The following RANBP2 variants were observed in gnomAD, a reference collection of about 807,000 sequenced individuals.
RANBP2 encodes E3 SUMO-protein ligase RanBP2.
In RANBP2, 57 loss-of-function variants were observed where a neutral mutation model predicts 303.6. The ratio of observed to expected loss-of-function variants is 0.19; its 90% confidence interval spans 0.15 to 0.23. RANBP2 has a LOEUF of 0.23. RANBP2 is among the 10% of genes least tolerant of loss of function. The probability of loss-of-function intolerance (pLI) is 1.00; values close to 1 mark genes in which losing one functional copy is unlikely to be tolerated. For missense variants in RANBP2, 3,138 were observed against 3,780.8 expected, an observed-to-expected ratio of 0.83 and a Z score of 4.46; for synonymous variants, 1,167 against 1,301.5, an observed-to-expected ratio of 0.90 and a Z score of 2.23.
chr2:109,113,950 T>C, the RANBP2 span, among the ~76,000 whole-genome samples: 1 of 152,242 alleles, frequency 6.6e-6, no homozygotes, highest in South Asian at 2.1e-4. Context: ...TTGATTTGCA[T>C]ATATTGAACC....
chr2:108,740,063 G>A (rs370618905), intron 6 of RANBP2, among the ~76,000 whole-genome samples: 1 of 152,132 alleles, frequency 6.6e-6, no homozygotes, highest in African/African-American at 2.4e-5. Context: ...GTATTGATAC[G>A]CAAATACCTG....
At chr2:109,059,590 G>T in the RANBP2 span, among the ~76,000 whole-genome samples, 1 of 151,068 alleles carries the variant, frequency 6.6e-6, no homozygotes, top group East Asian at 2.0e-4. Context: ...AAAAAAAAAG[G>T]TCACACAACA....
chr2:109,435,178 G>A, the RANBP2 span, among the ~76,000 whole-genome samples: 8 of 152,198 alleles, frequency 5.3e-5, no homozygotes, highest in Non-Finnish European at 1.2e-4. Context: ...AACTGCGCCC[G>A]GGTCGGCTGC....
At chr2:109,035,374 A>G in the RANBP2 span, among the ~76,000 whole-genome samples, 1 of 152,182 alleles carries the variant, frequency 6.6e-6, no homozygotes, top group African/African-American at 2.4e-5. Flanking sequence ...ACATAACACA[A>G]CAGACAGCAG....
At chr2:108,829,626 G>A in the RANBP2 span, among the ~76,000 whole-genome samples, 7,130 of 152,234 alleles carry the variant, frequency 0.047, 559 homozygotes, top group African/African-American at 0.16. Flanking sequence ...CACACCTGTA[G>A]TCCCAGCTAC....
chr2:108,972,448 C>T, the RANBP2 span, among the ~76,000 whole-genome samples: 2 of 152,256 alleles, frequency 1.3e-5, no homozygotes, highest in African/African-American at 4.8e-5. Context: ...TTCATGCCAA[C>T]GTGCCAGACA....
the RANBP2 span, among the ~76,000 whole-genome samples, chr2:109,391,852 T>G: frequency 6.6e-6 from 1 of 152,146 alleles, no homozygotes; most frequent in Non-Finnish European, 1.5e-5. Flanking sequence ...TCTTTTTTTT[T>G]TAATTAAGAC....
At chr2:109,705,034 A>T in the RANBP2 span, among the ~76,000 whole-genome samples, 1 of 151,922 alleles carries the variant, frequency 6.6e-6, no homozygotes, top group African/African-American at 2.4e-5. Flanking sequence ...AATGGAGGCC[A>T]TTGCACTCCA....
the RANBP2 span, among the ~76,000 whole-genome samples, chr2:109,358,452 C>A: frequency 6.6e-6 from 1 of 152,192 alleles, no homozygotes; most frequent in Admixed American, 6.5e-5. Flanking sequence ...AAAAGCATGC[C>A]TAGTTTTGTA....
Position 108,763,640 on chromosome 2 carries a change from A to G in RANBP2, c.3101A>G (p.Asn1034Ser), listed in dbSNP as rs760034578. ...HTTQPTPFKF[N>S]SNFKSNDGDF... Reference sequence around the variant, plus strand: ...ACACAGCCAACTCCTTTTAAATTTAACTCAAATTTCAAATCAAATGATGGT... The same window carrying G: ...ACACAGCCAACTCCTTTTAAATTTAGCTCAAATTTCAAATCAAATGATGGT... Residue 1034 changes from asparagine (N) to serine (S), a missense_variant, in exon 20 of 29, where the codon AAC becomes AGC. By Grantham distance (46) the Asn-to-Ser change is conservative (BLOSUM62 1). Coordinates refer to ENST00000283195, the MANE Select transcript of RANBP2 (RefSeq NM_006267.5). The G allele has an allele frequency of 3.1e-6, 5 of 1,614,042 alleles. No homozygotes were observed. The Admixed American group carries it at 8.3e-5, about 27-fold the overall frequency.
the RANBP2 span, among the ~76,000 whole-genome samples, chr2:109,723,789 A>G: frequency 6.6e-6 from 1 of 151,980 alleles, no homozygotes; most frequent in African/African-American, 2.4e-5. Flanking sequence ...CCATTTGTCA[A>G]TTTTTGCTTT....
chr2:108,790,235 G>A (rs182796607), downstream of RANBP2, among the ~76,000 whole-genome samples: 14 of 152,096 alleles, frequency 9.2e-5, no homozygotes, highest in East Asian at 2.3e-3. Flanking sequence ...TTGAATGTAG[G>A]GTAAGGAAAG....
chr2:109,355,851 G>T, the RANBP2 span, among the ~76,000 whole-genome samples: 19 of 152,232 alleles, frequency 1.2e-4, no homozygotes, highest in Non-Finnish European at 2.8e-4. Flanking sequence ...CTGTGAAGCA[G>T]CTATTTCCTC....
chr2:108,851,206 C>A, the RANBP2 span, among the ~76,000 whole-genome samples: 2 of 152,152 alleles, frequency 1.3e-5, no homozygotes, highest in African/African-American at 2.4e-5. Context: ...GAACTTCTGT[C>A]CCCTCCCTGG....
At chr2:109,335,416 C>A in the RANBP2 span, among the ~76,000 whole-genome samples, 3 of 152,174 alleles carry the variant, frequency 2.0e-5, no homozygotes, top group African/African-American at 7.2e-5. Context: ...CCCTGGGAAG[C>A]CCGTACCTCT....
chr2:109,008,706 T>C, the RANBP2 span, among the ~76,000 whole-genome samples: 1 of 151,352 alleles, frequency 6.6e-6, no homozygotes, highest in Non-Finnish European at 1.5e-5. Flanking sequence ...ATCGAGACCA[T>C]CCTGGCTAAC....
the RANBP2 span, among the ~76,000 whole-genome samples, chr2:109,368,536 G>GC: frequency 6.6e-6 from 1 of 151,312 alleles, no homozygotes; most frequent in Non-Finnish European, 1.5e-5. Context: ...CCTAAAATTG[G>GC]CAACCTTCCT....
chr2:109,739,623 G>A, the RANBP2 span, among the ~76,000 whole-genome samples: 4 of 152,026 alleles, frequency 2.6e-5, no homozygotes, highest in Non-Finnish European at 5.9e-5. Context: ...TAGATTTTTG[G>A]TGGAGTCTTA....
chr2:109,477,087 G>A, the RANBP2 span, among the ~76,000 whole-genome samples: 1 of 152,332 alleles, frequency 6.6e-6, no homozygotes, highest in African/African-American at 2.4e-5. Flanking sequence ...ACCCCAGTAG[G>A]TCTCAGCCTC....
Sources: allele counts gnomAD v4.1 joint callset (sites outside exome capture counted in the v4.1 genomes callset), GRCh38; gene constraint gnomAD v4.1.1; transcripts MANE v1.5; gene names NCBI Gene and HGNC (gene_info 2026-07-23, HGNC 2026-07-21).